MACROH2A2: variants seen among roughly 807,000 people sequenced by gnomAD.
MACROH2A2 encodes the protein macroH2A.2 histone.
Under a neutral mutation model 37.6 loss-of-function variants are expected in MACROH2A2, and 6 were observed. The ratio of observed to expected loss-of-function variants is 0.16; its 90% CI spans 0.09 to 0.32. The LOEUF is 0.32. Among genes scored for constraint, MACROH2A2 ranks in the 10% least tolerant of loss-of-function variants. The pLI is 1.00. For synonymous variants in MACROH2A2, 192 were observed against 202.7 expected, an observed-to-expected ratio of 0.95 and a Z score of 0.45; for missense variants, 290 against 485.9, an observed-to-expected ratio of 0.60 and a Z score of 3.79.
rs1388398288 is a variant in MACROH2A2 at position 70,053,704 on chromosome 10, G to T, written c.-60+704G>T. ...CGGCGCGGAAGAGGGCGCGAGGCCG[G>T]GCACTCCCCTTCGGTTCCCTTTCCG... On this transcript the variant is annotated intron_variant, in intron 1 of 8. Coordinates refer to ENST00000373255, the MANE Select transcript of MACROH2A2 (RefSeq NM_018649.3). This position sits in a 1 kb window ranked among gnomAD's most constrained non-coding sequence, Gnocchi z 4.8. 6.6e-6 allele frequency among the ~76,000 whole-genome samples: 1 copy of T among 151,628 alleles called. No homozygotes were observed. The highest frequency in any genetic ancestry group is 2.4e-5 in the African/African-American group (1 of 41,380).
chr10:70,070,008 C>T (rs763439714), intron 1 of MACROH2A2, among the ~76,000 whole-genome samples: 2 of 152,138 alleles, frequency 1.3e-5, no homozygotes, highest in East Asian at 1.9e-4. Context: ...CACTTCCTCC[C>T]GTCGGTGGGC....
At chr10:70,104,491 A>C (rs1255832536) in intron 7 of MACROH2A2, among the ~76,000 whole-genome samples, 1 of 152,164 alleles carries the variant, frequency 6.6e-6, no homozygotes, top group African/African-American at 2.4e-5. Context: ...AGCCTGACCA[A>C]CATGGAGAAA....
chr10:70,094,343 A>G (rs988894744), intron 5 of MACROH2A2, among the ~76,000 whole-genome samples: 3 of 152,228 alleles, frequency 2.0e-5, no homozygotes, highest in African/African-American at 7.2e-5. Context: ...GAAAGTAAAC[A>G]AACAGGGCTA....
At chr10:70,091,469 C>A (rs760859272) in intron 3 of MACROH2A2, among the ~76,000 whole-genome samples, 39 of 151,920 alleles carry the variant, frequency 2.6e-4, no homozygotes, top group Non-Finnish European at 5.0e-4. Context: ...TGAGGTCAGC[C>A]GTTCGAGACC....
intron 1 of MACROH2A2, among the ~76,000 whole-genome samples, chr10:70,066,532 A>C (rs2072080087): frequency 1.3e-5 from 2 of 152,176 alleles, no homozygotes; most frequent in African/African-American, 2.4e-5. Context: ...TGGAGGTCAG[A>C]GGGCTTTGAG....
intron 1 of MACROH2A2, among the ~76,000 whole-genome samples, chr10:70,065,121 A>G (rs1229877020): frequency 3.3e-5 from 5 of 150,312 alleles, no homozygotes; most frequent in African/African-American, 9.8e-5. Context: ...ACCTTGGCTC[A>G]CTGCAACCTC....
intron 2 of MACROH2A2, among the ~76,000 whole-genome samples, chr10:70,082,313 G>T (rs1008827430): frequency 2.0e-5 from 3 of 152,264 alleles, no homozygotes. Flanking sequence ...AGCTGCCGGG[G>T]AGGCTGAGGC....
At chr10:70,092,096 A>C (rs767763520) in intron 4 of MACROH2A2, 142 bp downstream of exon 4, 53 of 682,722 alleles carry the variant, frequency 7.8e-5, no homozygotes, top group Non-Finnish European at 1.2e-4. Context: ...TAACTAGATC[A>C]TGAGGGCGAG....
intron 1 of MACROH2A2, among the ~76,000 whole-genome samples, chr10:70,064,477 A>G (rs565244743): frequency 6.6e-6 from 1 of 152,348 alleles, no homozygotes; most frequent in East Asian, 1.9e-4. Flanking sequence ...CTCAGTTCCT[A>G]ACTGGACACC....
In MACROH2A2 at chr10:70,091,831, A is replaced by G. The variant is rs532413077; in HGVS notation, c.354A>G (p.Arg118=). 50 of 1,614,122 alleles carry G rather than the reference A, an allele frequency of 3.1e-5. No homozygotes were observed. The East Asian group carries it at 1.1e-3, about 36-fold the overall frequency. Residue 118 remains arginine (R), a synonymous_variant, in exon 4 of 9, where the codon CGA becomes CGG. Transcript: ENST00000373255. ...RIHPELLAKK[R]GTKGKSETIL... ...ACCCCGAACTGCTGGCCAAAAAGCG[A>G]GGGACCAAAGGCAAGTCGGAAACGA...
intron 7 of MACROH2A2, among the ~76,000 whole-genome samples, chr10:70,108,789 A>G (rs2072352378): frequency 6.6e-6 from 1 of 152,176 alleles, no homozygotes; most frequent in Admixed American, 6.5e-5. Context: ...GGCAGACCAT[A>G]TGAAAATGGC....
chr10:70,072,981 G>T (rs1378992146), intron 1 of MACROH2A2, among the ~76,000 whole-genome samples: 1 of 151,950 alleles, frequency 6.6e-6, no homozygotes, highest in Non-Finnish European at 1.5e-5. Context: ...ACAACAAAAA[G>T]ATGTCACTAG....
rs78826447 is a variant in MACROH2A2, at chr10:70,086,462, C to A, written c.173-3598C>A. Among the ~76,000 whole-genome samples, 1,141 of 152,290 alleles carry A rather than the reference C, an allele frequency of 7.5e-3. 44 individuals are homozygous for A. Among genetic ancestry groups the A allele is most frequent in the Admixed American group, 0.053 (810 of 15,286 alleles). On this transcript the variant is annotated intron_variant, in intron 2 of 8. Transcript: ENST00000373255. ...TGCATGCTGAGTCTCTGCCTTCAGTCTCGTCCTATGCTACGTTTGATTCCG... is the reference window on the plus strand; with the variant it reads ...TGCATGCTGAGTCTCTGCCTTCAGTATCGTCCTATGCTACGTTTGATTCCG...
At chr10:70,065,097 G>A (rs574985201) in intron 1 of MACROH2A2, among the ~76,000 whole-genome samples, 10 of 148,370 alleles carry the variant, frequency 6.7e-5, no homozygotes, top group East Asian at 2.0e-4. Flanking sequence ...AAAAAGGATC[G>A]TTGCAGTGGC....
chr10:70,068,664 T>C (rs1488858334), intron 1 of MACROH2A2, among the ~76,000 whole-genome samples: 2 of 152,150 alleles, frequency 1.3e-5, no homozygotes, highest in Non-Finnish European at 2.9e-5. Flanking sequence ...TAAAGGAACA[T>C]AGTGCACCCT....
intron 1 of MACROH2A2, among the ~76,000 whole-genome samples, chr10:70,064,080 T>C (rs1365025053): frequency 6.6e-6 from 1 of 152,104 alleles, no homozygotes; most frequent in Non-Finnish European, 1.5e-5. Flanking sequence ...ATCAAACAAC[T>C]ACAAGAGGCT....
chr10:70,059,899 G>A (rs1334894019), intron 1 of MACROH2A2, among the ~76,000 whole-genome samples: 10 of 152,194 alleles, frequency 6.6e-5, no homozygotes, highest in Non-Finnish European at 5.9e-5. Flanking sequence ...GTGTGGTGTG[G>A]TGTGGCCAGT....
intron 8 of MACROH2A2, among the ~76,000 whole-genome samples, chr10:70,110,424 G>T (rs2072363974): frequency 1.3e-5 from 2 of 152,230 alleles, no homozygotes; most frequent in South Asian, 4.1e-4. Flanking sequence ...ACGAAGACAG[G>T]TTTGGAGCAT....
chr10:70,059,864 G>T (rs1041854923), intron 1 of MACROH2A2, among the ~76,000 whole-genome samples: 1 of 152,086 alleles, frequency 6.6e-6, no homozygotes, highest in African/African-American at 2.4e-5. Flanking sequence ...GTGGCCAGTG[G>T]CTGGTTACAC....
Sources: allele counts gnomAD v4.1 joint callset (sites outside exome capture counted in the v4.1 genomes callset), GRCh38; gene constraint gnomAD v4.1.1; non-coding constraint Gnocchi (gnomAD v3.1); transcripts MANE v1.5; gene names NCBI Gene and HGNC (gene_info 2026-07-23, HGNC 2026-07-21).